TM4SF19: variants seen among roughly 807,000 people sequenced by gnomAD.
The protein encoded by TM4SF19 is transmembrane 4 L six family member 19.
TM4SF19 carries 17 observed loss-of-function variants against 21.8 expected under a neutral mutation model. The ratio of observed to expected loss-of-function variants is 0.78; its 90% confidence interval spans 0.53 to 1.17. TM4SF19 has a LOEUF of 1.17. TM4SF19 is among the 50% of genes most tolerant of loss of function. The probability of loss-of-function intolerance (pLI) is 0.00; values close to 1 mark genes in which losing one functional copy is unlikely to be tolerated. For synonymous variants in TM4SF19, 107 were observed against 106.7 expected (o/e 1.00, Z -0.02); for missense variants, 216 against 252.1 (o/e 0.86, Z 0.97).
chr3:196,335,529 C>A (rs535623232), intron 1 of TM4SF19, among the ~76,000 whole-genome samples: 1 of 145,026 alleles, frequency 6.9e-6, no homozygotes, highest in Non-Finnish European at 1.5e-5. Context: ...GGTGGGGTGC[C>A]CTGAGAGGGT....
chr3:196,324,216 G>GTCTC (rs147354585), intron 4 of TM4SF19, 55 bp downstream of exon 4: 6 of 1,492,202 alleles, frequency 4.0e-6, no homozygotes, highest in East Asian at 4.6e-5. Context: ...GTGTCTTTTT[G>GTCTC]TCTCTCTCTC....
chr3:196,331,442 G>A (rs1446820716), intron 1 of TM4SF19, among the ~76,000 whole-genome samples: 1 of 151,196 alleles, frequency 6.6e-6, no homozygotes, highest in Non-Finnish European at 1.5e-5. Flanking sequence ...CTCCCCTTAA[G>A]GCTCGCTATT....
intron 1 of TM4SF19, among the ~76,000 whole-genome samples, chr3:196,331,290 T>C (rs1213061928): frequency 6.7e-6 from 1 of 148,816 alleles, no homozygotes; most frequent in Non-Finnish European, 1.5e-5. Flanking sequence ...AAAAAATATA[T>C]ATATATACAT....
rs1727269903 is a variant in TM4SF19, at chr3:196,325,967, T to C, written c.279+988A>G. Among the ~76,000 whole-genome samples the C allele has an allele frequency of 6.6e-6, 1 of 152,150 alleles. No individual in the cohort carries two copies. Among genetic ancestry groups the C allele is most frequent in the South Asian group, 2.1e-4 (1 of 4,802 alleles). ...ATGTGCAAGTGTTTATTTATTTATC[T>C]ATGTACTTATTTATTTATTTATTTT... On this transcript the variant is annotated intron_variant, in intron 3 of 4. Transcript: ENST00000273695. This position sits in a 1 kb window ranked among gnomAD's most constrained non-coding sequence, Gnocchi z 4.3.
Position 196,337,202 on chromosome 3 carries a change from C to T in TM4SF19, c.-2+1062G>A, listed in dbSNP as rs368448408. 1.1e-4 allele frequency among the ~76,000 whole-genome samples: 17 copies of T among 151,968 alleles called. 1 individual carries two copies. In the South Asian group the frequency reaches 3.5e-3, roughly 32 times the overall value. On this transcript the variant is annotated intron_variant, in intron 1 of 4. Coordinates refer to ENST00000273695, the MANE Select transcript of TM4SF19 (RefSeq NM_138461.4). Reference sequence around the variant, plus strand: ...TCAGCCTCCCAAGTAGCTGGAATTACAGGCATGCACCACGCCCGGCTAATT... The same window carrying T: ...TCAGCCTCCCAAGTAGCTGGAATTATAGGCATGCACCACGCCCGGCTAATT...
chr3:196,331,765 C>T (rs1727522098), intron 1 of TM4SF19, among the ~76,000 whole-genome samples: 1 of 151,648 alleles, frequency 6.6e-6, no homozygotes, highest in African/African-American at 2.4e-5. Flanking sequence ...CCAGCCTGGA[C>T]AACAAGAGTG....
chr3:196,337,729 C>G (rs1346904755), intron 1 of TM4SF19, among the ~76,000 whole-genome samples: 2 of 152,192 alleles, frequency 1.3e-5, no homozygotes, highest in Non-Finnish European at 2.9e-5. Flanking sequence ...TGTCTCAAGT[C>G]ACGCACTTGG....
chr3:196,333,368 A>G (rs754890697), intron 1 of TM4SF19, among the ~76,000 whole-genome samples: 1 of 152,244 alleles, frequency 6.6e-6, no homozygotes, highest in Non-Finnish European at 1.5e-5. Flanking sequence ...TAATTTATAA[A>G]TCAGGCATAG....
At chr3:196,334,297 G>A (rs996688853) in intron 1 of TM4SF19, among the ~76,000 whole-genome samples, 4 of 151,892 alleles carry the variant, frequency 2.6e-5, no homozygotes, top group Non-Finnish European at 5.9e-5. Flanking sequence ...ACAGTTTTAC[G>A]ACTTAGGAAC....
rs750166874 is a variant in TM4SF19 at position 196,327,498 on chromosome 3, C to T, written c.93G>A (p.Gly31=). The T allele has an allele frequency of 2.5e-6, 4 of 1,613,950 alleles. No individual in the cohort carries two copies. Among genetic ancestry groups the T allele is most frequent in the Non-Finnish European group, 3.4e-6 (4 of 1,180,038 alleles). Residue 31 remains glycine (G), a synonymous_variant, in exon 2 of 5, where the codon GGG becomes GGA. Coordinates refer to ENST00000273695, the MANE Select transcript of TM4SF19 (RefSeq NM_138461.4). ...TAGGAAGGAGGAGTGCCACGTTGGC[C>T]CCAGCAGCAAACAGGGCTGCAGTCC... ...SLGTAALFAA[G]ANVALLLPNW...
Position 196,327,508 on chromosome 3 carries a change from A to C in TM4SF19, c.83T>G (p.Phe28Cys), listed in dbSNP as rs1727342930. 6.2e-7 allele frequency: 1 copy of C among 1,614,144 alleles called. No individual in the cohort carries two copies. Among genetic ancestry groups the C allele is most frequent in the Non-Finnish European group, 8.5e-7 (1 of 1,180,048 alleles). The change falls in exon 2 of 5, where the codon TTT (phenylalanine) becomes TGT (cysteine). Residue 28 changes from phenylalanine (F) to cysteine (C), a missense_variant. Coordinates refer to ENST00000273695, the MANE Select transcript of TM4SF19 (RefSeq NM_138461.4). ...GAGTGCCACGTTGGCCCCAGCAGCA[A>C]ACAGGGCTGCAGTCCCAAGGCTCAG... ...LGLSLGTAALFAAGANVALLL... is the reference protein window; with the variant it reads ...LGLSLGTAALCAAGANVALLL...
At position 196,326,988 on chromosome 3, in the gene TM4SF19, G is replaced by GT. The variant is rs1304589198; in HGVS notation, c.245dup (p.Tyr82Ter). The part of the protein sequence containing the change: ...AILISLMGWR[Y>*]GCFSKSGLCR... The stretch of plus-strand genomic sequence containing the variant: ...AGAGCCCACTCTTACTGAAGCAGCC[G>GT]TATCTCCAGCCCATCAAGGAGATGA... The change falls in exon 3 of 5, where the codon TAC becomes TAAC. Residue 82 changes from tyrosine to a stop codon, truncating the protein, a stop_gained and frameshift_variant. Coordinates refer to ENST00000273695, the MANE Select transcript of TM4SF19 (RefSeq NM_138461.4). LOFTEE classifies it high-confidence loss of function. The GT allele has an allele frequency of 1.2e-6, 2 of 1,611,518 alleles. No individual in the cohort carries two copies. The highest frequency in any genetic ancestry group is 1.7e-6 in the Non-Finnish European group (2 of 1,177,918).
chr3:196,324,501 G>A, intron 3 of TM4SF19, 61 bp from the exon 4 acceptor site: 1 of 1,577,396 alleles, frequency 6.3e-7, no homozygotes. Context: ...CCTGCGGAGG[G>A]AGGAGAAACG....
intron 1 of TM4SF19, among the ~76,000 whole-genome samples, chr3:196,336,145 GTT>G (rs528556680): frequency 6.8e-6 from 1 of 147,258 alleles, no homozygotes; most frequent in African/African-American, 2.5e-5. Context: ...TTTGTTTTTT[GTT>G]TTTTTTTTGA....
chr3:196,323,639 A>G lies in TM4SF19; in HGVS notation c.*178T>C. 1 of 1,227,080 alleles carries G rather than the reference A, an allele frequency of 8.1e-7. No homozygotes were observed. The allele number at this position is 1,227,080 out of a possible 1,614,324, so 76.0% of individuals were successfully genotyped here. A position where few individuals can be genotyped will look rare whatever the true frequency, so the allele number is the denominator to read the frequency against. On this transcript the variant is annotated 3_prime_UTR_variant, in exon 5 of 5. Coordinates refer to ENST00000273695, the MANE Select transcript of TM4SF19 (RefSeq NM_138461.4). Reference sequence around the variant, plus strand: ...ATCCATGGATCACCTGGAAGTTTACAATGTGATTTAAAATGCATTCTATCA... The same window carrying G: ...ATCCATGGATCACCTGGAAGTTTACGATGTGATTTAAAATGCATTCTATCA...
intron 3 of TM4SF19, among the ~76,000 whole-genome samples, chr3:196,326,264 C>T (rs117075810): frequency 0.06 from 9,179 of 152,264 alleles, 315 homozygotes; most frequent in East Asian, 0.082. Flanking sequence ...CGTGAGCCAC[C>T]GCGCCTGGCC....
intron 1 of TM4SF19, among the ~76,000 whole-genome samples, chr3:196,328,345 T>C (rs1577407298): frequency 6.6e-6 from 1 of 151,912 alleles, no homozygotes; most frequent in East Asian, 1.9e-4. Context: ...GATAATGTGA[T>C]CACATTATGT....
At chr3:196,324,150 A>G in intron 4 of TM4SF19, 121 bp downstream of exon 4, 1 of 1,446,402 alleles carries the variant, frequency 6.9e-7, no homozygotes, top group Non-Finnish European at 9.6e-7. Context: ...TTTTCTGAGT[A>G]TCAGAGGAGC....
At chr3:196,327,687 A>G in intron 1 of TM4SF19, 96 bp from the exon 2 acceptor site, 1 of 1,039,470 alleles carries the variant, frequency 9.6e-7, no homozygotes, top group Non-Finnish European at 1.4e-6. Context: ...AACAGACTAC[A>G]GAAACCGCCA....
Sources: allele counts gnomAD v4.1 joint callset (sites outside exome capture counted in the v4.1 genomes callset), GRCh38; gene constraint gnomAD v4.1.1; non-coding constraint Gnocchi (gnomAD v3.1); transcripts MANE v1.5; gene names NCBI Gene and HGNC (gene_info 2026-07-23, HGNC 2026-07-21).